The following CPM variants were observed in gnomAD, a reference collection of about 807,000 sequenced individuals.
CPM encodes carboxypeptidase M, also known as renal carboxypeptidase.
CPM carries 35 observed loss-of-function variants against 46.4 expected under a neutral mutation model. That is an observed-to-expected ratio of 0.75 (90% confidence interval 0.58 to 1.00). The LOEUF is 1.00. CPM is among the 50% of genes least tolerant of loss of function. CPM has a pLI of 0.00. For synonymous variants in CPM, 195 were observed against 195.3 expected (o/e 1.00, Z 0.01); for missense variants, 422 against 530.4 (o/e 0.80, Z 2.01).
chr12:68,873,771 C>A (rs1475227030), intron 3 of CPM, among the ~76,000 whole-genome samples: 1 of 151,380 alleles, frequency 6.6e-6, no homozygotes, highest in African/African-American at 2.4e-5. Context: ...ATCCTGACTT[C>A]AACTTTTTTT....
At chr12:68,962,210 A>AAAAAAAAAAAAAAAAC (rs1565812987) in intron 1 of CPM, among the ~76,000 whole-genome samples, 1 of 146,006 alleles carries the variant, frequency 6.8e-6, no homozygotes, top group African/African-American at 2.7e-5. Context: ...AAAAAAAAAA[A>AAAAAAAAAAAAAAAAC]AAAAAAAACC....
intron 1 of CPM, among the ~76,000 whole-genome samples, chr12:68,947,707 C>T (rs2136333694): frequency 6.6e-6 from 1 of 151,962 alleles, no homozygotes; most frequent in Admixed American, 6.5e-5. Flanking sequence ...TGCAGTTGCA[C>T]AATCAGGGCT....
chr12:68,861,534 TTTTTTG>T (rs1220015812), intron 7 of CPM, among the ~76,000 whole-genome samples: 1 of 140,346 alleles, frequency 7.1e-6, no homozygotes, highest in African/African-American at 2.8e-5. Context: ...CATTACACAA[TTTTTTG>T]TTTTTTTTTT....
At chr12:68,930,614 C>T (rs1206514618) in intron 2 of CPM, among the ~76,000 whole-genome samples, 1 of 152,332 alleles carries the variant, frequency 6.6e-6, no homozygotes, top group Non-Finnish European at 1.5e-5. Context: ...TTCAGAACAA[C>T]ATATTCAACA....
intron 8 of CPM, among the ~76,000 whole-genome samples, chr12:68,858,032 G>A (rs1885049734): frequency 6.6e-6 from 1 of 152,182 alleles, no homozygotes; most frequent in Non-Finnish European, 1.5e-5. Context: ...GCACCTTGGG[G>A]AGAACCCATG....
intron 2 of CPM, among the ~76,000 whole-genome samples, chr12:68,926,944 T>C (rs1283480249): frequency 6.6e-6 from 1 of 152,276 alleles, no homozygotes; most frequent in Admixed American, 6.5e-5. Context: ...GTGCCACATT[T>C]TCTTAATCCA....
At chr12:68,874,573 G>A (rs999161861) in intron 3 of CPM, among the ~76,000 whole-genome samples, 9 of 151,976 alleles carry the variant, frequency 5.9e-5, no homozygotes, top group Admixed American at 1.3e-4. Context: ...CCGAGATCGC[G>A]CCACCAGCTT....
At chr12:68,935,617 T>C (rs1888661514), upstream of CPM, among the ~76,000 whole-genome samples, 1 of 151,600 alleles carries the variant, frequency 6.6e-6, no homozygotes, top group Admixed American at 6.6e-5. Context: ...TAGTATGACA[T>C]TGTAGAGTCT....
At chr12:68,890,074 C>T (rs992308423) in intron 2 of CPM, among the ~76,000 whole-genome samples, 1 of 152,118 alleles carries the variant, frequency 6.6e-6, no homozygotes, top group African/African-American at 2.4e-5. Flanking sequence ...CACACCGCCT[C>T]GTGTTTTCTG....
rs905998432 is a variant in CPM at position 68,890,742 on chromosome 12, C to T, written c.161-4853G>A. On this transcript the variant is annotated intron_variant, in intron 2 of 8. Coordinates refer to ENST00000551568, the MANE Select transcript of CPM (RefSeq NM_198320.5). ...GATTACAGAACAAGACAACTGAATC[C>T]GAGGCCACCCCACCGGGACATTCCA... 3.3e-5 allele frequency among the ~76,000 whole-genome samples: 5 copies of T among 152,202 alleles called. No homozygotes were observed. The South Asian group carries it at 6.2e-4, about 19-fold the overall frequency.
At chr12:68,924,644 C>T (rs1888182722) in intron 2 of CPM, among the ~76,000 whole-genome samples, 1 of 152,076 alleles carries the variant, frequency 6.6e-6, no homozygotes, top group Non-Finnish European at 1.5e-5. Flanking sequence ...TATATTATAG[C>T]TGAATTTCCT....
intron 2 of CPM, among the ~76,000 whole-genome samples, chr12:68,926,678 C>G (rs534194027): frequency 6.6e-6 from 1 of 152,036 alleles, no homozygotes; most frequent in African/African-American, 2.4e-5. Context: ...CGTCATTTAG[C>G]ATTAGGTATA....
chr12:68,885,299 G>A (rs1246789093), intron 3 of CPM, among the ~76,000 whole-genome samples: 2 of 152,198 alleles, frequency 1.3e-5, no homozygotes, highest in Non-Finnish European at 2.9e-5. Context: ...TGTCTAAACT[G>A]GAGCACTGAA....
intron 1 of CPM, among the ~76,000 whole-genome samples, chr12:68,960,419 T>C (rs181998866): frequency 1.8e-3 from 268 of 152,356 alleles, no homozygotes; most frequent in African/African-American, 6.2e-3. Context: ...ATGTAACTAT[T>C]GAGGGCTCTA....
chr12:68,842,816 T>C (rs928197740), intron 5 of CPM: 1 of 199,004 alleles, frequency 5.0e-6, no homozygotes, highest in African/African-American at 2.3e-5. Context: ...TTTTAATATT[T>C]CTTATTTTGG....
chr12:68,938,738 C>T (rs1209119780), intron 1 of CPM, among the ~76,000 whole-genome samples: 3 of 151,508 alleles, frequency 2.0e-5, no homozygotes, highest in East Asian at 3.9e-4. Context: ...TTAATTTTAA[C>T]TTATTAATGA....
At chr12:68,846,375 C>G (rs369400566), downstream of CPM, 3 of 152,314 alleles carry the variant, frequency 2.0e-5, no homozygotes, top group East Asian at 5.8e-4. Flanking sequence ...GTGTAAGCCA[C>G]CACGCCAAGC....
At chr12:68,885,197 G>C (rs1385511842) in intron 3 of CPM, among the ~76,000 whole-genome samples, 16 of 152,134 alleles carry the variant, frequency 1.1e-4, no homozygotes, top group Non-Finnish European at 2.4e-4. Flanking sequence ...TACCTGCCTT[G>C]GCCTCCCAAA....
At chr12:68,849,399 T>TTTG (rs1555190555), downstream of CPM, 42 of 129,204 alleles carry the variant, frequency 3.3e-4, no homozygotes, top group African/African-American at 9.6e-4. Context: ...CGTTTTTTTT[T>TTTG]TTGTTGTTGT....
Sources: gnomAD v4.1 joint callset for allele counts (sites outside exome capture counted in the v4.1 genomes callset) on GRCh38, gnomAD v4.1.1 for gene constraint, MANE v1.5 for transcripts, NCBI Gene and HGNC (gene_info 2026-07-23, HGNC 2026-07-21) for gene names.